Variants in USH2A observed in about 807,000 individuals in gnomAD.
USH2A encodes Usher syndrome 2A (autosomal recessive, mild).
Under a neutral mutation model 538.9 loss-of-function variants are expected in USH2A, and 443 were observed. The observed-to-expected ratio is 0.82, with a 90% CI of 0.76 to 0.89. The LOEUF is 0.89. USH2A is among the 40% of genes least tolerant of loss of function. The probability of loss-of-function intolerance (pLI) is 0.00; values close to 1 mark genes in which losing one functional copy is unlikely to be tolerated. For missense variants in USH2A, 6,633 were observed against 6,324.8 expected (o/e 1.05, Z -1.65); for synonymous variants, 2,413 against 2,273.5 (o/e 1.06, Z -1.75).
chr1:216,016,957 G>T (rs898907589), intron 32 of USH2A, among the ~76,000 whole-genome samples: 7 of 152,038 alleles, frequency 4.6e-5, no homozygotes, highest in African/African-American at 1.4e-4. Context: ...CTTTTCTTCT[G>T]TGGCTGGTTA....
At chr1:215,758,012 G>A (rs1232001958) in intron 58 of USH2A, among the ~76,000 whole-genome samples, 2 of 152,134 alleles carry the variant, frequency 1.3e-5, no homozygotes, top group African/African-American at 4.8e-5. Context: ...AGCCGGGCGT[G>A]GTGGCTCATG....
chr1:215,868,089 G>A (rs1372920668), intron 43 of USH2A, among the ~76,000 whole-genome samples: 1 of 152,108 alleles, frequency 6.6e-6, no homozygotes, highest in East Asian at 1.9e-4. Context: ...GCAAACACTG[G>A]CCTCAGATCA....
intron 61 of USH2A, among the ~76,000 whole-genome samples, chr1:215,693,092 A>ATG (rs60566275): frequency 0.02 from 2,648 of 131,536 alleles, 90 homozygotes; most frequent in African/African-American, 0.068. Context: ...ATATATATAT[A>ATG]TGTGTGTGTG....
At chr1:215,639,122 G>C (rs1398808855) in intron 69 of USH2A, 33 bp downstream of exon 69, 1 of 1,597,958 alleles carries the variant, frequency 6.3e-7, no homozygotes, top group Non-Finnish European at 8.6e-7. Flanking sequence ...AAGATGAATA[G>C]GTGCTACGCC....
chr1:216,112,509 A>C (rs191881052), intron 21 of USH2A, among the ~76,000 whole-genome samples: 3 of 152,298 alleles, frequency 2.0e-5, no homozygotes, highest in Admixed American at 2.0e-4. Context: ...GGTTTGTTAC[A>C]TACATGAATT....
intron 41 of USH2A, among the ~76,000 whole-genome samples, chr1:215,887,887 T>G (rs1000699748): frequency 1.3e-5 from 2 of 152,204 alleles, no homozygotes; most frequent in Non-Finnish European, 1.5e-5. Context: ...TAATTTCCCT[T>G]GAATGAAGTT....
Position 215,653,747 on chromosome 1 carries a change from G to C in USH2A, c.14134-2946C>G, listed in dbSNP as rs150256541. On this transcript the variant is annotated intron_variant, in intron 64 of 71. Coordinates refer to ENST00000307340, the MANE Select transcript of USH2A (RefSeq NM_206933.4). Reference sequence around the variant, plus strand: ...CACTGTGGATTTTTGTCTATGCCCGGCTAAGCAAGAGATAAAAGTATTGAA... The same window carrying C: ...CACTGTGGATTTTTGTCTATGCCCGCCTAAGCAAGAGATAAAAGTATTGAA... Among the ~76,000 whole-genome samples, 1,423 of 152,168 alleles carry C rather than the reference G, an allele frequency of 9.4e-3. 13 individuals are homozygous for C. The highest frequency in any genetic ancestry group is 0.032 in the South Asian group (155 of 4,816).
intron 32 of USH2A, among the ~76,000 whole-genome samples, chr1:216,040,096 C>G (rs981549911): frequency 6.6e-6 from 1 of 150,544 alleles, no homozygotes; most frequent in Non-Finnish European, 1.5e-5. Context: ...CATGCACACA[C>G]TCATTACATT....
chr1:215,754,752 G>T (rs746765773), intron 58 of USH2A, among the ~76,000 whole-genome samples: 1 of 152,182 alleles, frequency 6.6e-6, no homozygotes, highest in Non-Finnish European at 1.5e-5. Context: ...TGGGCTTTAG[G>T]TTGGATAAGC....
At chr1:216,024,253 G>A (rs199971269) in intron 32 of USH2A, among the ~76,000 whole-genome samples, 1 of 152,028 alleles carries the variant, frequency 6.6e-6, no homozygotes, top group East Asian at 1.9e-4. Context: ...GTGTAAACAT[G>A]AGTGAATCAC....
At chr1:216,310,285 G>A (rs564695875) in intron 9 of USH2A, among the ~76,000 whole-genome samples, 128 of 151,792 alleles carry the variant, frequency 8.4e-4, no homozygotes, top group Middle Eastern at 3.4e-3. Flanking sequence ...TCTTTCCTTT[G>A]TAAGTATTAA....
chr1:215,740,052 A>T (rs2102724266), intron 60 of USH2A, among the ~76,000 whole-genome samples: 1 of 152,322 alleles, frequency 6.6e-6, no homozygotes, highest in East Asian at 1.9e-4. Flanking sequence ...CTGTATGTCT[A>T]CCAATGATTG....
intron 61 of USH2A, among the ~76,000 whole-genome samples, chr1:215,719,632 T>A (rs534341217): frequency 6.6e-6 from 1 of 152,320 alleles, no homozygotes; most frequent in East Asian, 1.9e-4. Flanking sequence ...CTCTGTTTTT[T>A]CAAAAAGAAG....
intron 30 of USH2A, among the ~76,000 whole-genome samples, chr1:216,057,457 A>G (rs931688015): frequency 3.3e-5 from 5 of 152,164 alleles, no homozygotes; most frequent in African/African-American, 1.2e-4. Flanking sequence ...GGAGTTTGAG[A>G]TCAGCCTGAC....
intron 30 of USH2A, among the ~76,000 whole-genome samples, chr1:216,052,805 T>C (rs1281024070): frequency 6.6e-6 from 1 of 152,186 alleles, no homozygotes; most frequent in Non-Finnish European, 1.5e-5. Context: ...TTCACCAGGA[T>C]GGATTCAAGT....
intron 32 of USH2A, among the ~76,000 whole-genome samples, chr1:216,007,127 T>C (rs1429780730): frequency 3.9e-5 from 6 of 152,162 alleles, no homozygotes; most frequent in South Asian, 4.1e-4. Context: ...TGTGCTACCA[T>C]GTAAGATGTG....
chr1:215,960,054 A>C (rs933263203), intron 37 of USH2A, among the ~76,000 whole-genome samples: 23 of 152,186 alleles, frequency 1.5e-4, no homozygotes, highest in Non-Finnish European at 5.9e-5. Context: ...AGGGAAGTCT[A>C]GTAGTAAAGA....
At chr1:216,377,917 AAG>A (rs1189785382) in intron 3 of USH2A, among the ~76,000 whole-genome samples, 2 of 151,624 alleles carry the variant, frequency 1.3e-5, no homozygotes, top group Non-Finnish European at 2.9e-5. Context: ...AAGAAAGAGA[AAG>A]AAAGAGAAAA....
At chr1:216,193,111 T>C (rs771850063) in intron 19 of USH2A, among the ~76,000 whole-genome samples, 1 of 152,078 alleles carries the variant, frequency 6.6e-6, no homozygotes, top group African/African-American at 2.4e-5. Flanking sequence ...ATATAAGTAA[T>C]AGATAAATCA....
Sources: allele counts gnomAD v4.1 joint callset (sites outside exome capture counted in the v4.1 genomes callset), GRCh38; gene constraint gnomAD v4.1.1; transcripts MANE v1.5; gene names NCBI Gene and HGNC (gene_info 2026-07-23, HGNC 2026-07-21).